The following PLXDC2 variants were observed in gnomAD, a reference collection of about 807,000 sequenced individuals.
PLXDC2 encodes plexin domain-containing protein 2.
Under a neutral mutation model 68.9 loss-of-function variants are expected in PLXDC2, and 40 were observed. That is an observed-to-expected ratio of 0.58 (90% CI 0.45 to 0.76). The LOEUF is 0.76. PLXDC2 is among the 30% of genes least tolerant of loss of function. PLXDC2 has a pLI of 0.00. For missense variants in PLXDC2, 644 were observed against 661.9 expected, an observed-to-expected ratio of 0.97 and a Z score of 0.30; for synonymous variants, 243 against 234.2, an observed-to-expected ratio of 1.04 and a Z score of -0.34.
At chr10:19,866,400 C>G (rs765155987) in intron 1 of PLXDC2, among the ~76,000 whole-genome samples, 1 of 152,162 alleles carries the variant, frequency 6.6e-6, no homozygotes, top group Non-Finnish European at 1.5e-5. Context: ...AGTTGCATTT[C>G]TCTGATCTTT....
At chr10:20,060,825 C>T (rs980942295) in intron 3 of PLXDC2, among the ~76,000 whole-genome samples, 3 of 152,098 alleles carry the variant, frequency 2.0e-5, no homozygotes, top group African/African-American at 7.2e-5. Flanking sequence ...AAAACAGAGT[C>T]ACTGAAAGCT....
intron 1 of PLXDC2, among the ~76,000 whole-genome samples, chr10:19,878,631 G>A (rs1837675996): frequency 6.6e-6 from 1 of 152,114 alleles, no homozygotes; most frequent in Non-Finnish European, 1.5e-5. Context: ...CCATCAATAA[G>A]CTATCCTTAC....
At chr10:20,066,019 A>T (rs1421675097) in intron 3 of PLXDC2, among the ~76,000 whole-genome samples, 1 of 152,226 alleles carries the variant, frequency 6.6e-6, no homozygotes, top group Admixed American at 6.5e-5. Context: ...ATAGTGACCG[A>T]TGTTTGGAGA....
intron 2 of PLXDC2, among the ~76,000 whole-genome samples, chr10:20,021,312 T>C (rs1195650455): frequency 1.3e-5 from 2 of 152,182 alleles, no homozygotes; most frequent in Non-Finnish European, 2.9e-5. Flanking sequence ...AATGTGCAGA[T>C]TTATTACTTA....
intron 3 of PLXDC2, among the ~76,000 whole-genome samples, chr10:20,059,793 T>C (rs1210262231): frequency 6.6e-6 from 1 of 152,164 alleles, no homozygotes; most frequent in East Asian, 1.9e-4. Flanking sequence ...AAAAAAATTC[T>C]ACATGGTAAA....
At chr10:19,832,841 G>T (rs1836720846) in intron 1 of PLXDC2, among the ~76,000 whole-genome samples, 1 of 152,206 alleles carries the variant, frequency 6.6e-6, no homozygotes, top group South Asian at 2.1e-4. Flanking sequence ...ACATTCGATT[G>T]TCTTGTGGTT....
chr10:19,932,615 C>T (rs1343336273), intron 1 of PLXDC2, among the ~76,000 whole-genome samples: 2 of 152,122 alleles, frequency 1.3e-5, no homozygotes, highest in East Asian at 1.9e-4. Flanking sequence ...TATGTACTGG[C>T]AATGGAAGGA....
chr10:19,929,244 C>A (rs181893228), intron 1 of PLXDC2, among the ~76,000 whole-genome samples: 116 of 151,788 alleles, frequency 7.6e-4, no homozygotes, highest in African/African-American at 2.6e-3. Flanking sequence ...ATAACAACAA[C>A]AACGAAAAGA....
At chr10:19,988,474 T>G (rs1834685984) in intron 1 of PLXDC2, among the ~76,000 whole-genome samples, 1 of 144,488 alleles carries the variant, frequency 6.9e-6, no homozygotes, top group South Asian at 2.1e-4. Context: ...TAGATAATAT[T>G]TAAGATTAGG....
At chr10:20,234,036 A>G (rs569289160) in intron 12 of PLXDC2, among the ~76,000 whole-genome samples, 1 of 151,108 alleles carries the variant, frequency 6.6e-6, no homozygotes, top group East Asian at 2.0e-4. Context: ...TATGTTGCCC[A>G]GGCTGGTCTC....
chr10:20,205,963 A>G (rs1834985653), intron 9 of PLXDC2, among the ~76,000 whole-genome samples: 1 of 152,064 alleles, frequency 6.6e-6, no homozygotes, highest in South Asian at 2.1e-4. Context: ...TATATTGCAT[A>G]TAATGACTAT....
At chr10:20,146,499 C>CCTTCCTTCCTTCCTTCCTTA in intron 5 of PLXDC2, among the ~76,000 whole-genome samples, 1 of 137,040 alleles carries the variant, frequency 7.3e-6, no homozygotes, top group Non-Finnish European at 1.6e-5. Flanking sequence ...TTCCTTCCTT[C>CCTTCCTTCCTTCCTTCCTTA]CTTCCTTCCT....
At chr10:19,942,029 A>G (rs1833829000) in intron 1 of PLXDC2, among the ~76,000 whole-genome samples, 1 of 151,952 alleles carries the variant, frequency 6.6e-6, no homozygotes, top group South Asian at 2.1e-4. Context: ...AACATGACTG[A>G]AGAGTTGGAC....
intron 2 of PLXDC2, among the ~76,000 whole-genome samples, chr10:20,037,500 A>G (rs1178499868): frequency 2.0e-5 from 3 of 152,112 alleles, no homozygotes. Flanking sequence ...CTAATGCTCT[A>G]TCTCATCACT....
intron 1 of PLXDC2, among the ~76,000 whole-genome samples, chr10:19,990,895 T>G (rs1834736806): frequency 6.6e-6 from 1 of 152,158 alleles, no homozygotes; most frequent in South Asian, 2.1e-4. Flanking sequence ...TTTAAATGTT[T>G]TATTCCCAAA....
chr10:20,180,446 C>T (rs879571757), intron 9 of PLXDC2, among the ~76,000 whole-genome samples: 9 of 152,014 alleles, frequency 5.9e-5, no homozygotes, highest in African/African-American at 1.4e-4. Flanking sequence ...CTGTAATCTT[C>T]GAAACTTTGC....
At chr10:19,998,269 C>G (rs1834873965) in intron 1 of PLXDC2, among the ~76,000 whole-genome samples, 1 of 152,062 alleles carries the variant, frequency 6.6e-6, no homozygotes, top group Non-Finnish European at 1.5e-5. Flanking sequence ...CTGTGAAATG[C>G]CTAGGAGTAA....
At chr10:19,949,414 C>T (rs1833958541) in intron 1 of PLXDC2, among the ~76,000 whole-genome samples, 1 of 152,046 alleles carries the variant, frequency 6.6e-6, no homozygotes, top group Non-Finnish European at 1.5e-5. Flanking sequence ...GAGCAGAGGG[C>T]TCTGAATATC....
chr10:20,243,245 C>A (rs1261029596), intron 12 of PLXDC2, among the ~76,000 whole-genome samples: 1 of 152,086 alleles, frequency 6.6e-6, no homozygotes, highest in East Asian at 1.9e-4. Context: ...GCAACCCTAG[C>A]TCATTTTTTA....
Sources: allele counts gnomAD v4.1 joint callset (sites outside exome capture counted in the v4.1 genomes callset), GRCh38; gene constraint gnomAD v4.1.1; transcripts MANE v1.5; gene names NCBI Gene and HGNC (gene_info 2026-07-23, HGNC 2026-07-21).